FLII: variants seen among roughly 807,000 people sequenced by gnomAD.
FLII encodes protein flightless-1 homolog.
In FLII, 101 loss-of-function variants were observed where a neutral mutation model predicts 156.2. The observed-to-expected ratio is 0.65, with a 90% CI of 0.55 to 0.76. FLII has a LOEUF of 0.76. Among genes scored for constraint, FLII ranks in the 30% least tolerant of loss-of-function variants. FLII has a pLI of 0.00. For missense variants in FLII, 1,675 were observed against 1,682.8 expected, an observed-to-expected ratio of 1.00 and a Z score of 0.08; for synonymous variants, 767 against 685.8, an observed-to-expected ratio of 1.12 and a Z score of -1.85.
chr17:18,245,715 T>G (rs746981180), intron 27 of FLII, 29 bp downstream of exon 27: 1 of 1,611,200 alleles, frequency 6.2e-7, no homozygotes, highest in African/African-American at 1.3e-5. Context: ...GTGCCAGGAC[T>G]GAGGGGAGGG....
intron 16 of FLII, 22 bp from the exon 17 acceptor site, chr17:18,248,905 G>C (rs372328888): frequency 1.2e-6 from 2 of 1,603,344 alleles, no homozygotes; most frequent in Non-Finnish European, 1.7e-6. Flanking sequence ...GGGGCAGGAA[G>C]GAGCTGTGAT....
At chr17:18,257,516 T>C (rs186325932) in intron 1 of FLII, among the ~76,000 whole-genome samples, 238 of 152,344 alleles carry the variant, frequency 1.6e-3, no homozygotes, top group Admixed American at 4.3e-3. Context: ...CCAGCATCAC[T>C]GCACTCCCCT....
At position 18,246,348 on chromosome 17, in the gene FLII, G is replaced by A. The variant is rs373738329; in HGVS notation, c.3166C>T (p.Leu1056Phe). The change falls in exon 24 of 30, where the codon CTC becomes TTC. Residue 1056 changes from leucine (L) to phenylalanine (F), a missense_variant. Leu to Phe is a conservative substitution (Grantham distance 22). Around this residue, in one of 2 missense-constraint regions of FLII, gnomAD observed 1,332 missense variants for 1,269.3 expected, o/e 1.05. Coordinates refer to ENST00000327031, the MANE Select transcript of FLII (RefSeq NM_002018.4). ...KAVQGAQQPS[L>F]YQIRTNGSAL... ...CTGCCGTTGGTGCGGATCTGGTAGAGGCTGGGCTGTTGGGCGCCCTGGACC... is the reference window on the plus strand; with the variant it reads ...CTGCCGTTGGTGCGGATCTGGTAGAAGCTGGGCTGTTGGGCGCCCTGGACC... 2.2e-5 allele frequency: 36 copies of A among 1,613,786 alleles called. No individual in the cohort carries two copies. The African/African-American group carries it at 3.3e-4, about 15-fold the overall frequency.
rs868073977 is a variant in FLII, at chr17:18,246,203, C to T, written c.3226G>A (p.Asp1076Asn). Residue 1076 changes from aspartate to asparagine, a missense_variant, in exon 25 of 30, where the codon GAC becomes AAC. Around this residue, in one of 2 missense-constraint regions of FLII, gnomAD observed 1,332 missense variants for 1,269.3 expected, o/e 1.05. Transcript: ENST00000327031. ...AACTCGGAGTTGAGGAGGCTGGAGT[C>T]GGTGTTGATCTGGATGCACCTGTGG... Reference protein sequence around the residue: ...LCTRCIQINTDSSLLNSEFCF... With the variant: ...LCTRCIQINTNSSLLNSEFCF... The T allele has an allele frequency of 1.2e-6, 2 of 1,614,132 alleles. No homozygotes were observed. Among genetic ancestry groups the T allele is most frequent in the African/African-American group, 1.3e-5 (1 of 75,028 alleles).
chr17:18,251,548 C>T (rs2048268959), intron 12 of FLII, 71 bp from the exon 13 acceptor site: 1 of 1,561,398 alleles, frequency 6.4e-7, no homozygotes, highest in Non-Finnish European at 8.7e-7. Context: ...TTGCTACCCA[C>T]ACCTCAGGGC....
chr17:18,255,255 C>T lies in FLII; in HGVS notation c.255G>A (p.Val85=). 1 of 1,613,580 alleles carries T rather than the reference C, an allele frequency of 6.2e-7. No individual in the cohort carries two copies. Among genetic ancestry groups the T allele is most frequent in the Non-Finnish European group, 8.5e-7 (1 of 1,179,560 alleles). Residue 85 remains valine (V), a synonymous_variant, in exon 4 of 30, where the codon GTG becomes GTA. Coordinates refer to ENST00000327031, the MANE Select transcript of FLII (RefSeq NM_002018.4). ...AATTCTTCAGACTGTTGGCTCGGGC[C>T]ACGATGGCCTGGGAATAAACCATAA... ...LSSLPSLRAI[V]ARANSLKNSG... is the part of the protein sequence containing the mutation.
Position 18,247,741 on chromosome 17 carries a change from G to T in FLII, c.2403C>A (p.Leu801=). Residue 801 remains leucine (L), a synonymous_variant, in exon 20 of 30, where the codon CTC becomes CTA. Transcript: ENST00000327031. The part of the protein sequence containing the change: ...KSPRLVRAAA[L]KLGQELCGML... ...TCCCGCACAGCTCCTGACCCAGCTT[G>T]AGGGCGGCAGCGCGCACCAGGCGCG... The T allele has an allele frequency of 6.2e-7, 1 of 1,605,798 alleles. No homozygotes were observed.
intron 7 of FLII, 116 bp from the exon 8 acceptor site, chr17:18,253,835 C>A: frequency 9.0e-7 from 1 of 1,110,302 alleles, no homozygotes; most frequent in Non-Finnish European, 1.3e-6. Context: ...AGGCAAGTGA[C>A]AACTGCTGTG....
chr17:18,245,123 C>T lies in FLII; in HGVS notation c.*15G>A, dbSNP rs765772556. Reference sequence around the variant, plus strand: ...TTCCTCTTCCTCACCAAGCCTGGGGCTGTGCCAGCCTGTCTTAGGCCAGGG... The same window carrying T: ...TTCCTCTTCCTCACCAAGCCTGGGGTTGTGCCAGCCTGTCTTAGGCCAGGG... On this transcript the variant is annotated 3_prime_UTR_variant, in exon 30 of 30. Transcript: ENST00000327031. 4 of 1,604,186 alleles carry T rather than the reference C, an allele frequency of 2.5e-6. No homozygotes were observed. Among genetic ancestry groups the T allele is most frequent in the South Asian group, 1.1e-5 (1 of 90,568 alleles).
At chr17:18,247,440 C>T (rs1473528168) in intron 20 of FLII, 83 bp from the exon 21 acceptor site, 72 of 1,363,084 alleles carry the variant, frequency 5.3e-5, no homozygotes, top group Non-Finnish European at 3.2e-5. Context: ...GAGGCGGGAC[C>T]CAAGGGAGAT....
chr17:18,251,641 T>C (rs1426522451), intron 12 of FLII, 39 bp downstream of exon 12: 3 of 1,612,992 alleles, frequency 1.9e-6, no homozygotes, highest in Admixed American at 1.7e-5. Flanking sequence ...CAGCAGAAGC[T>C]AAGGCTCCCT....
chr17:18,248,660 C>T lies in FLII; in HGVS notation c.2080G>A (p.Val694Met), dbSNP rs2048164672. The T allele has an allele frequency of 6.2e-7, 1 of 1,614,050 alleles. No homozygotes were observed. Among genetic ancestry groups the T allele is most frequent in the East Asian group, 2.2e-5 (1 of 44,870 alleles). The change falls in exon 18 of 30, where the codon GTG becomes ATG. Residue 694 changes from valine (V) to methionine (M), a missense_variant. This residue lies in a region of FLII where 1,332 missense variants were observed against 1,269.3 expected (regional missense o/e 1.05). Transcript: ENST00000327031. ...RKGKAEITLLVQGQELPEFWE... is the reference protein window; with the variant it reads ...RKGKAEITLLMQGQELPEFWE... ...AACTCTGGGAGCTCCTGGCCCTGCA[C>T]CAGCAGTGTGATCTCAGCCTTCCCT...
rs910773865 is a variant in FLII at position 18,258,201 on chromosome 17, G to C, written c.63+427C>G. Among the ~76,000 whole-genome samples, 2 of 152,206 alleles carry C rather than the reference G, an allele frequency of 1.3e-5. No individual in the cohort carries two copies. The highest frequency in any genetic ancestry group is 2.9e-5 in the Non-Finnish European group (2 of 68,002). The stretch of plus-strand genomic sequence containing the variant: ...TCACACAGTATGGCGGGTGGCGGTG[G>C]CGGGGAGAGGGCAGTGATGAGTCGG... On this transcript the variant is annotated intron_variant, in intron 1 of 29. Coordinates refer to ENST00000327031, the MANE Select transcript of FLII (RefSeq NM_002018.4). This position sits in a 1 kb window ranked among gnomAD's most constrained non-coding sequence, Gnocchi z 4.2.
intron 1 of FLII, among the ~76,000 whole-genome samples, chr17:18,257,891 C>T (rs1041380622): frequency 6.6e-6 from 1 of 152,258 alleles, no homozygotes; most frequent in African/African-American, 2.4e-5. Context: ...CCCTCTCTTT[C>T]TCTGCTTCCC....
intron 20 of FLII, 25 bp from the exon 21 acceptor site, chr17:18,247,382 C>T (rs777340569): frequency 4.4e-6 from 7 of 1,580,836 alleles, no homozygotes; most frequent in African/African-American, 1.4e-5. Flanking sequence ...ATCAACTAAC[C>T]ATGAGGGGTG....
Position 18,245,402 on chromosome 17 carries a change from C to G in FLII, c.3627G>C (p.Gly1209=), listed in dbSNP as rs747338163. 29 of 1,614,074 alleles carry G rather than the reference C, an allele frequency of 1.8e-5. No individual in the cohort carries two copies. The African/African-American group carries it at 3.5e-4, about 19-fold the overall frequency. ...DNGQEVYMWV[G]TQTSQVEIKL... Reference sequence around the variant, plus strand: ...TGATCTCCACCTGGCTAGTCTGGGTCCCCACCCACATGTAGACCTGTGGGG... The same window carrying G: ...TGATCTCCACCTGGCTAGTCTGGGTGCCCACCCACATGTAGACCTGTGGGG... The change falls in exon 29 of 30, where the codon GGG becomes GGC. Residue 1209 remains glycine, a synonymous_variant. Coordinates refer to ENST00000327031, the MANE Select transcript of FLII (RefSeq NM_002018.4).
chr17:18,254,520 C>A lies in FLII; in HGVS notation c.575+1G>T. On this transcript the variant is annotated splice_donor_variant, in intron 6 of 29. Transcript: ENST00000327031. LOFTEE classifies it high-confidence loss of function. ...GGAGTGCGGTCCGAGGGGGCGCCCA[C>A]CGGAGCTGTGCATGCAGCAGGGGGT... is the stretch of plus-strand genomic sequence containing the variant. 1 of 1,607,930 alleles carries A rather than the reference C, an allele frequency of 6.2e-7. No individual in the cohort carries two copies. Among genetic ancestry groups the A allele is most frequent in the Non-Finnish European group, 8.5e-7 (1 of 1,178,174 alleles).
Position 18,258,545 on chromosome 17 carries a change from G to A in FLII, c.63+83C>T. The A allele has an allele frequency of 2.6e-6, 4 of 1,519,200 alleles. No homozygotes were observed. In the South Asian group the frequency reaches 4.9e-5, roughly 18 times the overall value. The allele number at this position is 1,519,200 out of a possible 1,614,324, so 94.1% of individuals were successfully genotyped here. The stretch of plus-strand genomic sequence containing the variant: ...TGGGACACGCAGGGCCTGGAGCCGA[G>A]CGGGACAGGAAGCGGAGGCCAAGCG... On this transcript the variant is annotated intron_variant, in intron 1 of 29. Transcript: ENST00000327031. This position sits in a 1 kb window ranked among gnomAD's most constrained non-coding sequence, Gnocchi z 4.2.
Position 18,246,664 on chromosome 17 carries a change from T to C in FLII, c.2981A>G (p.Asn994Ser), listed in dbSNP as rs117072920. ...VYFWQGREAS[N>S]MGWLTFTFSL... ...GAAGGTGAAGGTGAGCCAGCCCATA[T>C]TGGAGGCTTCACGGCCCTGCCAGAA... is the stretch of plus-strand genomic sequence containing the variant. The change falls in exon 23 of 30, where the codon AAT (asparagine) becomes AGT (serine). Residue 994 changes from asparagine to serine, a missense_variant. Asn to Ser is a conservative substitution (Grantham distance 46). Coordinates refer to ENST00000327031, the MANE Select transcript of FLII (RefSeq NM_002018.4). 152 of 1,613,922 alleles carry C rather than the reference T, an allele frequency of 9.4e-5. No individual in the cohort carries two copies. In the East Asian group the frequency reaches 1.7e-3, roughly 18 times the overall value.
Sources: gnomAD v4.1 joint callset for allele counts (sites outside exome capture counted in the v4.1 genomes callset) on GRCh38, gnomAD v4.1.1 for gene constraint, gnomAD v4.1.1 regional missense constraint, Gnocchi (gnomAD v3.1) non-coding constraint, MANE v1.5 for transcripts, NCBI Gene and HGNC (gene_info 2026-07-23, HGNC 2026-07-21) for gene names.